The following TBC1D17 variants were observed in gnomAD, a reference collection of about 807,000 sequenced individuals.
The protein encoded by TBC1D17 is TBC1 domain family member 17.
In TBC1D17, 69 loss-of-function variants were observed where a neutral mutation model predicts 78.8. The ratio of observed to expected loss-of-function variants is 0.88; its 90% CI spans 0.72 to 1.07. TBC1D17 has a LOEUF of 1.07. Ranked by LOEUF, TBC1D17 falls within the 50% of genes least tolerant of loss-of-function variation. TBC1D17 has a pLI of 0.00. For synonymous variants in TBC1D17, 456 were observed against 358.3 expected (o/e 1.27, Z -3.08); for missense variants, 957 against 861.0 (o/e 1.11, Z -1.39).
chr19:49,878,278 A>G, intron 2 of TBC1D17, 37 bp downstream of exon 2: 2 of 1,538,388 alleles, frequency 1.3e-6, no homozygotes, highest in Non-Finnish European at 1.8e-6. Flanking sequence ...ACCCGCTCCG[A>G]GCGGGATGCA....
In TBC1D17 at chr19:49,883,060, C is replaced by G; in HGVS notation, c.1015C>G (p.His339Asp). Residue 339 changes from histidine to aspartate, a missense_variant, in exon 9 of 17, where the codon CAC (histidine) becomes GAC (aspartate). Physicochemically the swap from His to Asp is moderately conservative, Grantham distance 81. Transcript: ENST00000221543. ...AGGCACAGCTGAGGAGCACAAGGCC[C>G]ACATACGCAAGAAAACGTGAGTTCT... ...WEGTAEEHKA[H>D]IRKKTDEYFR... The G allele has an allele frequency of 6.2e-7, 1 of 1,608,450 alleles. No individual in the cohort carries two copies. The highest frequency in any genetic ancestry group is 1.1e-5 in the South Asian group (1 of 90,912).
intron 3 of TBC1D17, 65 bp from the exon 4 acceptor site, chr19:49,880,214 G>A: frequency 6.3e-7 from 1 of 1,583,606 alleles, no homozygotes; most frequent in Non-Finnish European, 8.6e-7. Flanking sequence ...CTATCTTCCA[G>A]GGTAGCCTCG....
At position 49,880,294 on chromosome 19, in the gene TBC1D17, G is replaced by A; in HGVS notation, c.211G>A (p.Asp71Asn). 1.9e-6 allele frequency: 3 copies of A among 1,614,034 alleles called. No homozygotes were observed. Among genetic ancestry groups the A allele is most frequent in the Non-Finnish European group, 2.5e-6 (3 of 1,179,988 alleles). Reference sequence around the variant, plus strand: ...CTCTCCTAAGGACTCCAGTGGGGGTGACTCATGTGCTTCTGAGGAGGAACC... The same window carrying A: ...CTCTCCTAAGGACTCCAGTGGGGGTAACTCATGTGCTTCTGAGGAGGAACC... ...LFSKKDSSGG[D>N]SCASEEEPTF... The change falls in exon 4 of 17, where the codon GAC (aspartate) becomes AAC (asparagine). Residue 71 changes from aspartate to asparagine, a missense_variant. By Grantham distance (23) the Asp-to-Asn change is conservative (BLOSUM62 1). Coordinates refer to ENST00000221543, the MANE Select transcript of TBC1D17 (RefSeq NM_024682.3).
In TBC1D17 at chr19:49,883,683, A is replaced by C. The variant is rs1266847609; in HGVS notation, c.1064A>C (p.Lys355Thr). 2 of 1,613,966 alleles carry C rather than the reference A, an allele frequency of 1.2e-6. No individual in the cohort carries two copies. Among genetic ancestry groups the C allele is most frequent in the Admixed American group, 3.3e-5 (2 of 60,004 alleles). Residue 355 changes from lysine to threonine, a missense_variant, in exon 10 of 17, where the codon AAA becomes ACA. Lys to Thr is a moderately conservative substitution (Grantham distance 78). Coordinates refer to ENST00000221543, the MANE Select transcript of TBC1D17 (RefSeq NM_024682.3). ...TATTTCCGCATGAAGCTGCAGTGGA[A>C]ATCTGTGAGCCCTGAGCAGGAGCGG... Reference protein sequence around the residue: ...DEYFRMKLQWKSVSPEQERRN... With the variant: ...DEYFRMKLQWTSVSPEQERRN...
chr19:49,878,404 G>C (rs1198554096), intron 2 of TBC1D17, 94 bp from the exon 3 acceptor site: 1 of 1,365,386 alleles, frequency 7.3e-7, no homozygotes, highest in Non-Finnish European at 1.0e-6. Flanking sequence ...AAAGGCTGAG[G>C]GTAGAAACTG....
chr19:49,878,163 A>T lies in TBC1D17; in HGVS notation c.42A>T (p.Gly14=), dbSNP rs759378385. The T allele has an allele frequency of 1.9e-6, 3 of 1,578,102 alleles. No homozygotes were observed. In the African/African-American group the frequency reaches 4.1e-5, roughly 21 times the overall value. The change falls in exon 2 of 17, where the codon GGA becomes GGT. Residue 14 remains glycine, a synonymous_variant. Transcript: ENST00000221543. ...CTCAGGTGGTGTTTGAGAAGGGCGG[A>T]GTGTACCTGCACACCAGCGCTAAGA... ...AGYRVVFEKG[G]VYLHTSAKKY...
rs752308773 is a variant in TBC1D17, at chr19:49,877,731, G to T, written c.8G>T (p.Gly3Val). The T allele has an allele frequency of 2.5e-6, 4 of 1,599,578 alleles. No homozygotes were observed. In the South Asian group the frequency reaches 4.5e-5, roughly 18 times the overall value. The change falls in exon 1 of 17, where the codon GGA becomes GTA. Residue 3 changes from glycine to valine, a missense_variant. Gly to Val is a moderately radical substitution (Grantham distance 109). Transcript: ENST00000221543. ...GGGCCTTCGGCGGCGACTATGGAAG[G>T]AGCCGGCTACAGGGTAAGCACTGAG... MEGAGYRVVFEKG... is the reference protein window; with the variant it reads MEVAGYRVVFEKG...
chr19:49,887,288 C>T (rs1568678544), intron 13 of TBC1D17, 188 bp from the exon 14 acceptor site: 3 of 610,838 alleles, frequency 4.9e-6, no homozygotes, highest in Non-Finnish European at 8.8e-6. Context: ...AGCACACTTC[C>T]TCTGGAGAGT....
At chr19:49,887,995 T>A (rs2075075765) in intron 15 of TBC1D17, 161 bp downstream of exon 15, 3 of 897,534 alleles carry the variant, frequency 3.3e-6, no homozygotes, top group East Asian at 5.3e-5. Flanking sequence ...TTCTGCCCCA[T>A]GCCATGCCTG....
At position 49,880,406 on chromosome 19, in the gene TBC1D17, G is replaced by C; in HGVS notation, c.319+4G>C. ...TGCCACTCAGAGCCCACGAGAGGTA[G>C]GCTGAGGTGGCGGCCCTTGAGAAGC... On this transcript the variant is annotated splice_donor_region_variant and intron_variant, in intron 4 of 16. Coordinates refer to ENST00000221543, the MANE Select transcript of TBC1D17 (RefSeq NM_024682.3). 6.2e-7 allele frequency: 1 copy of C among 1,612,846 alleles called. No individual in the cohort carries two copies. Among genetic ancestry groups the C allele is most frequent in the Non-Finnish European group, 8.5e-7 (1 of 1,179,224 alleles).
rs373218705 is a variant in TBC1D17 at position 49,882,361 on chromosome 19, C to T, written c.759C>T (p.Pro253=). ...CCGCCTCCGACCTTCCCCCGCCACCCGACGATGAGCCCGAGCCTGGATTCG... is the reference window on the plus strand; with the variant it reads ...CCGCCTCCGACCTTCCCCCGCCACCTGACGATGAGCCCGAGCCTGGATTCG... ...EGAASDLPPP[P]DDEPEPGFEV... The change falls in exon 7 of 17, where the codon CCC becomes CCT. Residue 253 remains proline, a synonymous_variant. Coordinates refer to ENST00000221543, the MANE Select transcript of TBC1D17 (RefSeq NM_024682.3). The T allele has an allele frequency of 5.0e-6, 8 of 1,609,390 alleles. No individual in the cohort carries two copies. The highest frequency in any genetic ancestry group is 1.3e-5 in the African/African-American group (1 of 74,922).
intron 3 of TBC1D17, chr19:49,878,808 C>T (rs929263594): frequency 3.9e-6 from 2 of 516,850 alleles, no homozygotes; most frequent in Admixed American, 3.4e-5. Flanking sequence ...GACGGCTGAC[C>T]CCTCTCTCCC....
chr19:49,878,767 G>A lies in TBC1D17; in HGVS notation c.195+195G>A, dbSNP rs193285451. On this transcript the variant is annotated intron_variant, in intron 3 of 16. Coordinates refer to ENST00000221543, the MANE Select transcript of TBC1D17 (RefSeq NM_024682.3). ...CAGAGGATGCCCATTCAAGGAAAAA[G>A]AGCAGGGAGCATAAGACGCACGGTC... The A allele has an allele frequency of 1.0e-4, 62 of 593,654 alleles. No individual in the cohort carries two copies. The African/African-American group carries it at 1.1e-3, about 10-fold the overall frequency. 36.8% of individuals were successfully genotyped at this position (593,654 alleles called of 1,614,324 possible).
chr19:49,888,195 A>AGTGCC, intron 15 of TBC1D17, 36 bp from the exon 16 acceptor site: 1 of 1,555,800 alleles, frequency 6.4e-7, no homozygotes, highest in Middle Eastern at 1.7e-4. Flanking sequence ...GAGGTGGTTG[A>AGTGCC]GTGCCGACTG....
Position 49,880,668 on chromosome 19 carries a change from CCT to C in TBC1D17, c.319+267_319+268del, listed in dbSNP as rs1375864691. On this transcript the variant is annotated intron_variant, in intron 4 of 16. Coordinates refer to ENST00000221543, the MANE Select transcript of TBC1D17 (RefSeq NM_024682.3). ...TGGGTGCTCCCACACCAGGCCTGCC[CCT>C]GAGGTTCGAGGCTGGTGGGGTGACA... 5.3e-5 allele frequency among the ~76,000 whole-genome samples: 8 copies of C among 152,328 alleles called. No individual in the cohort carries two copies. In the East Asian group the frequency reaches 1.3e-3, roughly 26 times the overall value.
At chr19:49,887,640 A>AG in intron 14 of TBC1D17, 67 bp downstream of exon 14, 1 of 1,609,824 alleles carries the variant, frequency 6.2e-7, no homozygotes, top group Non-Finnish European at 8.5e-7. Context: ...GGTTGGGCGG[A>AG]GAGGGACAGA....
At chr19:49,881,918 A>G in intron 5 of TBC1D17, 123 bp from the exon 6 acceptor site, 3 of 832,930 alleles carry the variant, frequency 3.6e-6, no homozygotes, top group Non-Finnish European at 6.0e-6. Flanking sequence ...ATTCCCTGAA[A>G]TGAGGGGTTG....
At chr19:49,883,537 G>C (rs1202790891) in intron 9 of TBC1D17, 114 bp from the exon 10 acceptor site, 1 of 798,918 alleles carries the variant, frequency 1.3e-6, no homozygotes. Flanking sequence ...GCTTGGGTCT[G>C]TGTGGTCAGG....
At chr19:49,888,208 G>A in intron 15 of TBC1D17, 23 bp from the exon 16 acceptor site, 5 of 1,563,186 alleles carry the variant, frequency 3.2e-6, no homozygotes, top group Non-Finnish European at 4.3e-6. Context: ...GCCGACTGGC[G>A]CCTGACCCAC....
Sources: gnomAD v4.1 joint callset for allele counts (sites outside exome capture counted in the v4.1 genomes callset) on GRCh38, gnomAD v4.1.1 for gene constraint, MANE v1.5 for transcripts, NCBI Gene and HGNC (gene_info 2026-07-23, HGNC 2026-07-21) for gene names.